MARF1: variants seen among roughly 807,000 people sequenced by gnomAD.
The protein encoded by MARF1 is limkain-b1.
MARF1 carries 24 observed loss-of-function variants against 168.2 expected under a neutral mutation model. The ratio of observed to expected loss-of-function variants is 0.14; its 90% CI spans 0.10 to 0.20. The LOEUF (loss-of-function observed/expected upper bound fraction) is 0.20. Ranked by LOEUF, MARF1 falls within the 10% of genes least tolerant of loss-of-function variation. The probability of loss-of-function intolerance (pLI) is 1.00; values close to 1 mark genes in which losing one functional copy is unlikely to be tolerated. For missense variants in MARF1, 1,744 were observed against 2,143.6 expected (o/e 0.81, Z 3.68); for synonymous variants, 868 against 822.4 (o/e 1.06, Z -0.95).
rs145458736 is a variant in MARF1, at chr16:15,596,543, A to C, written c.*150T>G. On this transcript the variant is annotated 3_prime_UTR_variant, in exon 27 of 27. Transcript: ENST00000396368. Reference sequence around the variant, plus strand: ...TTCAGCTCAAAGCTGTGTTCAATGGAAAAGAAAAACATGATAGAACACAGG... The same window carrying C: ...TTCAGCTCAAAGCTGTGTTCAATGGCAAAGAAAAACATGATAGAACACAGG... The C allele has an allele frequency of 6.4e-4, 443 of 687,890 alleles. 7 individuals are homozygous for C. The East Asian group carries it at 0.013, about 20-fold the overall frequency. 42.6% of individuals were successfully genotyped at this position (687,890 alleles called of 1,614,324 possible).
chr16:15,597,194 G>A (rs2151000501), intron 26 of MARF1, among the ~76,000 whole-genome samples: 1 of 152,322 alleles, frequency 6.6e-6, no homozygotes, highest in African/African-American at 2.4e-5. Context: ...ATAAATGAAT[G>A]AGCAAAGGTT....
rs139166912 is a variant in MARF1, at chr16:15,603,699, C to T, written c.4413+469G>A. On this transcript the variant is annotated intron_variant, in intron 22 of 26. Coordinates refer to ENST00000396368, the MANE Select transcript of MARF1 (RefSeq NM_014647.4). The stretch of plus-strand genomic sequence containing the variant: ...ACTCTAGGTTTTTATATCTGTCGCC[C>T]GAGAATTGCATGCAGTATTCTCTTA... 4.3e-3 allele frequency among the ~76,000 whole-genome samples: 658 copies of T among 152,174 alleles called. 4 individuals are homozygous for T. Among genetic ancestry groups the T allele is most frequent in the African/African-American group, 0.015 (620 of 41,524 alleles).
intron 21 of MARF1, among the ~76,000 whole-genome samples, chr16:15,606,882 A>G (rs900451377): frequency 3.9e-5 from 6 of 152,104 alleles, no homozygotes; most frequent in African/African-American, 1.4e-4. Flanking sequence ...CTGCTGCCAC[A>G]GCCCTCCATC....
intron 15 of MARF1, 86 bp from the exon 16 acceptor site, chr16:15,616,091 T>G (rs2034023280): frequency 2.7e-6 from 3 of 1,126,416 alleles, no homozygotes; most frequent in Non-Finnish European, 3.6e-6. Context: ...AGGCTTTGGT[T>G]TAATGTATGT....
At chr16:15,612,425 G>A in intron 17 of MARF1, 132 bp downstream of exon 17, 4 of 769,638 alleles carry the variant, frequency 5.2e-6, no homozygotes, top group Admixed American at 2.1e-5. Context: ...CCTGCCCTCT[G>A]AAGAAAGTTT....
intron 16 of MARF1, among the ~76,000 whole-genome samples, chr16:15,614,871 A>G (rs2033918686): frequency 6.6e-6 from 1 of 151,760 alleles, no homozygotes; most frequent in Non-Finnish European, 1.5e-5. Context: ...CACAACCTCT[A>G]CCTCCTGGGT....
intron 22 of MARF1, chr16:15,602,623 A>AAGTAAAGAAGGAGGGAGGCAGAG (rs1555520444): frequency 6.6e-6 from 3 of 455,302 alleles, no homozygotes; most frequent in African/African-American, 4.0e-5. Context: ...GAGGAGGAGG[A>AAGTAAAGAAGGAGGGAGGCAGAG]AGGAAAGAAG....
At chr16:15,634,361 G>A (rs1395218710) in intron 4 of MARF1, among the ~76,000 whole-genome samples, 1 of 152,156 alleles carries the variant, frequency 6.6e-6, no homozygotes, top group African/African-American at 2.4e-5. Context: ...ACTTTTTAGG[G>A]AAATTATTTT....
chr16:15,615,742 G>GTGC, intron 16 of MARF1, 88 bp downstream of exon 16: 1 of 1,015,058 alleles, frequency 9.9e-7, no homozygotes, highest in Non-Finnish European at 1.3e-6. Context: ...TTGGCAAATT[G>GTGC]TGCTGCTGTT....
rs762903249 is a variant in MARF1, at chr16:15,617,498, A to C, written c.2758T>G (p.Leu920Val). 5 of 1,613,516 alleles carry C rather than the reference A, an allele frequency of 3.1e-6. No homozygotes were observed. The Admixed American group carries it at 8.3e-5, about 27-fold the overall frequency. Reference protein sequence around the residue: ...HKLNVSDLYKLTDTVAIREQG... With the variant: ...HKLNVSDLYKVTDTVAIREQG... Reference sequence around the variant, plus strand: ...TCACGGATTGCGACCGTGTCTGTTAATTTATATAGATCTGACACATTCAAC... The same window carrying C: ...TCACGGATTGCGACCGTGTCTGTTACTTTATATAGATCTGACACATTCAAC... Residue 920 changes from leucine to valine, a missense_variant, in exon 14 of 27, where the codon TTA (leucine) becomes GTA (valine). Coordinates refer to ENST00000396368, the MANE Select transcript of MARF1 (RefSeq NM_014647.4).
intron 7 of MARF1, among the ~76,000 whole-genome samples, chr16:15,628,924 C>T (rs540602061): frequency 5.7e-4 from 87 of 151,952 alleles, no homozygotes; most frequent in African/African-American, 1.8e-3. Flanking sequence ...TGGGAAAAAA[C>T]ATCCAGCAAA....
chr16:15,602,396 TAAA>T (rs1463160876), intron 22 of MARF1, 193 bp from the exon 23 acceptor site: 39 of 614,440 alleles, frequency 6.3e-5, no homozygotes, highest in African/African-American at 7.5e-5. Flanking sequence ...ACGACAAAGA[TAAA>T]GAAGACAACA....
In MARF1 at chr16:15,640,021, C is replaced by A. The variant is rs536060780; in HGVS notation, c.-58-730G>T. On this transcript the variant is annotated intron_variant, in intron 1 of 26. Transcript: ENST00000396368. ...CTTCACCTCCTCACTTGGCTGGAATCAATTTTTTCTACAGTTTTTCTGAAT... is the reference window on the plus strand; with the variant it reads ...CTTCACCTCCTCACTTGGCTGGAATAAATTTTTTCTACAGTTTTTCTGAAT... Among the ~76,000 whole-genome samples the A allele has an allele frequency of 2.0e-5, 3 of 152,296 alleles. No homozygotes were observed. In the South Asian group the frequency reaches 6.2e-4, roughly 32 times the overall value.
chr16:15,641,732 T>G (rs149223462), intron 1 of MARF1, among the ~76,000 whole-genome samples: 26 of 152,326 alleles, frequency 1.7e-4, no homozygotes, highest in African/African-American at 6.0e-4. Flanking sequence ...TAATGAAGTT[T>G]TGTAGCGAGC....
intron 12 of MARF1, 107 bp from the exon 13 acceptor site, chr16:15,620,638 G>A (rs776173237): frequency 1.6e-5 from 11 of 670,336 alleles, no homozygotes; most frequent in African/African-American, 3.7e-5. Flanking sequence ...ATAAATTTAC[G>A]GATTTCTGGT....
chr16:15,602,840 A>G (rs1729691486), intron 22 of MARF1: 1 of 294,406 alleles, frequency 3.4e-6, no homozygotes, highest in African/African-American at 2.2e-5. Context: ...ATTAAACTGC[A>G]CCTCCAAACC....
intron 26 of MARF1, among the ~76,000 whole-genome samples, chr16:15,597,326 G>A (rs1054550237): frequency 1.3e-5 from 2 of 152,234 alleles, no homozygotes; most frequent in African/African-American, 4.8e-5. Context: ...TGGGTGGTAG[G>A]GGGTGGGGTC....
intron 7 of MARF1, among the ~76,000 whole-genome samples, chr16:15,628,652 G>GGAAGC (rs1235829728): frequency 6.6e-6 from 1 of 152,060 alleles, no homozygotes; most frequent in African/African-American, 2.4e-5. Flanking sequence ...TAGGTGATTG[G>GGAAGC]TGATCTGCCC....
intron 1 of MARF1, 85 bp from the exon 2 acceptor site, chr16:15,639,376 T>C: frequency 1.1e-6 from 1 of 870,276 alleles, no homozygotes; most frequent in Non-Finnish European, 1.8e-6. Context: ...ACCACAGCTA[T>C]ATTTACAGTC....
Sources: gnomAD v4.1 joint callset for allele counts (sites outside exome capture counted in the v4.1 genomes callset) on GRCh38, gnomAD v4.1.1 for gene constraint, MANE v1.5 for transcripts, NCBI Gene and HGNC (gene_info 2026-07-23, HGNC 2026-07-21) for gene names.